Variants in ITGA11 observed in about 807,000 individuals in gnomAD.
ITGA11 encodes integrin alpha-11.
Under a neutral mutation model 141.9 loss-of-function variants are expected in ITGA11, and 97 were observed. The ratio of observed to expected loss-of-function variants is 0.68; its 90% confidence interval spans 0.58 to 0.81. The LOEUF (loss-of-function observed/expected upper bound fraction) is 0.81, where lower values mean the gene tolerates loss of function less well. Among genes scored for constraint, ITGA11 ranks in the 30% least tolerant of loss-of-function variants. ITGA11 has a pLI of 0.00. For missense variants in ITGA11, 1,387 were observed against 1,559.2 expected (o/e 0.89, Z 1.86); for synonymous variants, 658 against 624.6 (o/e 1.05, Z -0.80).
Position 68,313,872 on chromosome 15 carries a change from C to T in ITGA11, c.2793-4G>A. On this transcript the variant is annotated splice_region_variant and splice_polypyrimidine_tract_variant and intron_variant, in intron 22 of 29. Transcript: ENST00000315757. The stretch of plus-strand genomic sequence containing the variant: ...GCTGTCCCGCTCATTACTGTCACTG[C>T]AAGGAGAGCCAGGCGGCAAGGTCAG... 2 of 1,613,288 alleles carry T rather than the reference C, an allele frequency of 1.2e-6. No individual in the cohort carries two copies. Among genetic ancestry groups the T allele is most frequent in the South Asian group, 1.1e-5 (1 of 91,034 alleles).
In ITGA11 at chr15:68,321,171, T is replaced by C. The variant is rs1217098611; in HGVS notation, c.2408+247A>G. On this transcript the variant is annotated intron_variant, in intron 19 of 29. Transcript: ENST00000315757. The surrounding 1 kb of genome is among the most constrained non-coding windows in gnomAD (Gnocchi z 4.9). ...GGCTCCGAAGAAAGGGTTTCTTTTTTTTTTTTTTTTTAACAAAATTTGAAA... is the reference window on the plus strand; with the variant it reads ...GGCTCCGAAGAAAGGGTTTCTTTTTCTTTTTTTTTTTAACAAAATTTGAAA... 3.3e-5 allele frequency among the ~76,000 whole-genome samples: 5 copies of C among 151,876 alleles called. No homozygotes were observed. The highest frequency in any genetic ancestry group is 7.3e-5 in the African/African-American group (3 of 41,376).
At position 68,325,103 on chromosome 15, in the gene ITGA11, G is replaced by A. The variant is rs376223634; in HGVS notation, c.2322+28C>T. The A allele has an allele frequency of 5.4e-5, 84 of 1,546,642 alleles. No individual in the cohort carries two copies. The highest frequency in any genetic ancestry group is 3.3e-4 in the African/African-American group (24 of 73,544). On this transcript the variant is annotated intron_variant, in intron 18 of 29. Transcript: ENST00000315757. The surrounding 1 kb of genome is among the most constrained non-coding windows in gnomAD (Gnocchi z 5.5). The stretch of plus-strand genomic sequence containing the variant: ...GGAGGTGGGGGTGGGGTTCATGCCC[G>A]AGGTGCGTGCCCTGTACCGAGATGT...
chr15:68,328,957 T>G lies in ITGA11; in HGVS notation c.1902-695A>C, dbSNP rs1894071044. On this transcript the variant is annotated intron_variant, in intron 15 of 29. Transcript: ENST00000315757. The surrounding 1 kb of genome is among the most constrained non-coding windows in gnomAD (Gnocchi z 4.8). ...AAATTTACCCTTATACCGGCCTAAGTCAAATGTAATTAGGAACGGAAACCT... is the reference window on the plus strand; with the variant it reads ...AAATTTACCCTTATACCGGCCTAAGGCAAATGTAATTAGGAACGGAAACCT... Among the ~76,000 whole-genome samples, 1 of 152,142 alleles carries G rather than the reference T, an allele frequency of 6.6e-6. No homozygotes were observed. Among genetic ancestry groups the G allele is most frequent in the Non-Finnish European group, 1.5e-5 (1 of 68,024 alleles).
chr15:68,405,158 C>CTTTTTTT, intron 1 of ITGA11, among the ~76,000 whole-genome samples: 1 of 7,816 alleles, frequency 1.3e-4, no homozygotes, highest in East Asian at 3.8e-3. Flanking sequence ...CCACTGTCTC[C>CTTTTTTT]CTTTTTTTTT....
chr15:68,348,887 G>C lies in ITGA11; in HGVS notation c.1074C>G (p.Asn358Lys). The C allele has an allele frequency of 6.2e-7, 1 of 1,606,776 alleles. No individual in the cohort carries two copies. The highest frequency in any genetic ancestry group is 8.5e-7 in the Non-Finnish European group (1 of 1,176,678). ...RIFSLEGTNKNETSFGLEMSQ... is the reference protein window; with the variant it reads ...RIFSLEGTNKKETSFGLEMSQ... ...ACATCTCCAGCCCAAAGGAGGTCTC[G>C]TTCTTGTTGGTGCCTGCAACAGAGT... The change falls in exon 10 of 30, where the codon AAC (asparagine) becomes AAG (lysine). Residue 358 changes from asparagine (N) to lysine (K), a missense_variant. By Grantham distance (94) the Asn-to-Lys change is moderately conservative. Transcript: ENST00000315757.
intron 28 of ITGA11, among the ~76,000 whole-genome samples, chr15:68,306,307 G>C (rs890952139): frequency 2.9e-5 from 4 of 137,764 alleles, no homozygotes; most frequent in African/African-American, 1.1e-4. Flanking sequence ...TGAGAAGAAG[G>C]GTTCTCTCTC....
At chr15:68,352,610 T>G (rs764284562) in intron 7 of ITGA11, among the ~76,000 whole-genome samples, 3 of 152,230 alleles carry the variant, frequency 2.0e-5, no homozygotes, top group African/African-American at 7.2e-5. Context: ...ACCCATAAAA[T>G]GCGTGCGATG....
At chr15:68,356,941 A>G in intron 7 of ITGA11, 1 of 550,296 alleles carries the variant, frequency 1.8e-6, no homozygotes, top group African/African-American at 1.9e-5. Context: ...TTCAGATGAC[A>G]ACAGCCCAAG....
chr15:68,372,417 C>T (rs1398863568), intron 2 of ITGA11, among the ~76,000 whole-genome samples: 2 of 152,186 alleles, frequency 1.3e-5, no homozygotes, highest in Non-Finnish European at 2.9e-5. Flanking sequence ...TACCTCCTGG[C>T]GTGGGCACCA....
At chr15:68,430,337 T>C (rs553086416) in intron 1 of ITGA11, among the ~76,000 whole-genome samples, 1 of 152,330 alleles carries the variant, frequency 6.6e-6, no homozygotes, top group African/African-American at 2.4e-5. Flanking sequence ...TAGTGCATCC[T>C]GACAACTTTA....
intron 6 of ITGA11, among the ~76,000 whole-genome samples, chr15:68,357,610 G>T (rs1315754234): frequency 1.3e-5 from 2 of 152,220 alleles, no homozygotes; most frequent in African/African-American, 4.8e-5. Context: ...ATCAGTCTAA[G>T]TCCAAAAAAT....
At position 68,303,814 on chromosome 15, in the gene ITGA11, C is replaced by A. The variant is rs1218148096; in HGVS notation, c.3453G>T (p.Gly1151=). The A allele has an allele frequency of 1.9e-6, 3 of 1,613,268 alleles. No homozygotes were observed. Among genetic ancestry groups the A allele is most frequent in the Non-Finnish European group, 2.5e-6 (3 of 1,179,478 alleles). The change falls in exon 29 of 30, where the codon GGG becomes GGT. Residue 1151 remains glycine, a synonymous_variant. Coordinates refer to ENST00000315757, the MANE Select transcript of ITGA11 (RefSeq NM_001004439.2). This position sits in a 1 kb window ranked among gnomAD's most constrained non-coding sequence, Gnocchi z 5.3. ...CCAGCAGGGCCAGCAGTAGGAGGCC[C>A]CCCAGGGTGCTGCCTACAATGATCC... is the stretch of plus-strand genomic sequence containing the variant. ...PIWIIVGSTL[G]GLLLLALLVL... is the part of the protein sequence containing the mutation.
At chr15:68,369,060 C>T (rs989188601) in intron 3 of ITGA11, 124 bp downstream of exon 3, 3 of 710,344 alleles carry the variant, frequency 4.2e-6, no homozygotes, top group Non-Finnish European at 7.5e-6. Flanking sequence ...GTGATATCAG[C>T]TGGGTCATCT....
rs60069905 is a variant in ITGA11 at position 68,335,345 on chromosome 15, A to T, written c.1425+352T>A. Among the ~76,000 whole-genome samples the T allele has an allele frequency of 0.078, 11,807 of 152,226 alleles. 898 individuals are homozygous for T. Among genetic ancestry groups the T allele is most frequent in the African/African-American group, 0.19 (8,037 of 41,506 alleles). ...GATTGGAGCCCTGTTTTCACCACCAATGACTCTTATAGCTTTCCAATTTGC... is the reference window on the plus strand; with the variant it reads ...GATTGGAGCCCTGTTTTCACCACCATTGACTCTTATAGCTTTCCAATTTGC... On this transcript the variant is annotated intron_variant, in intron 12 of 29. Coordinates refer to ENST00000315757, the MANE Select transcript of ITGA11 (RefSeq NM_001004439.2). This position sits in a 1 kb window ranked among gnomAD's most constrained non-coding sequence, Gnocchi z 4.9.
intron 1 of ITGA11, among the ~76,000 whole-genome samples, chr15:68,410,735 A>AGAGCCACTCAG: frequency 6.6e-6 from 1 of 152,132 alleles, no homozygotes; most frequent in African/African-American, 2.4e-5. Flanking sequence ...ATTTGGGAGC[A>AGAGCCACTCAG]TTGCTGGAGG....
intron 3 of ITGA11, among the ~76,000 whole-genome samples, chr15:68,366,487 GTAACCC>G (rs759311445): frequency 9.9e-5 from 15 of 152,190 alleles, no homozygotes; most frequent in African/African-American, 1.9e-4. Context: ...ACTGGGCTGG[GTAACCC>G]TCGCCCCCTT....
At chr15:68,318,368 G>A (rs905444883) in intron 20 of ITGA11, among the ~76,000 whole-genome samples, 3 of 152,198 alleles carry the variant, frequency 2.0e-5, no homozygotes, top group African/African-American at 7.2e-5. Flanking sequence ...TCTGGGCCAG[G>A]GAAGCAGGGG....
chr15:68,335,943 T>A lies in ITGA11; in HGVS notation c.1277-98A>T. On this transcript the variant is annotated intron_variant, in intron 11 of 29. Coordinates refer to ENST00000315757, the MANE Select transcript of ITGA11 (RefSeq NM_001004439.2). This position sits in a 1 kb window ranked among gnomAD's most constrained non-coding sequence, Gnocchi z 4.9. Reference sequence around the variant, plus strand: ...TTGGCAGTGCCAGAGGATGGGCCAGTGATGGGGTAGGTTCAGGGCTAGCTG... The same window carrying A: ...TTGGCAGTGCCAGAGGATGGGCCAGAGATGGGGTAGGTTCAGGGCTAGCTG... 7.2e-7 allele frequency: 1 copy of A among 1,393,688 alleles called. No individual in the cohort carries two copies. Among genetic ancestry groups the A allele is most frequent in the Non-Finnish European group, 9.8e-7 (1 of 1,017,452 alleles). 86.3% of individuals were successfully genotyped at this position (1,393,688 alleles called of 1,614,324 possible). A position where few individuals can be genotyped will look rare whatever the true frequency, so the allele number is the denominator to read the frequency against.
At chr15:68,342,397 C>T (rs1311304236) in intron 10 of ITGA11, among the ~76,000 whole-genome samples, 3 of 152,198 alleles carry the variant, frequency 2.0e-5, no homozygotes, top group African/African-American at 4.8e-5. Flanking sequence ...ATTTTCCTGG[C>T]GTTCTGTGTA....
Sources: allele counts gnomAD v4.1 joint callset (sites outside exome capture counted in the v4.1 genomes callset), GRCh38; gene constraint gnomAD v4.1.1; non-coding constraint Gnocchi (gnomAD v3.1); transcripts MANE v1.5; gene names NCBI Gene and HGNC (gene_info 2026-07-23, HGNC 2026-07-21).